The following ADGRV1 variants were observed in gnomAD, a reference collection of about 807,000 sequenced individuals.
ADGRV1 encodes G-protein coupled receptor 98.
Under a neutral mutation model 596.2 loss-of-function variants are expected in ADGRV1, and 359 were observed. The ratio of observed to expected loss-of-function variants is 0.60; its 90% CI spans 0.55 to 0.66. The LOEUF is 0.66. Ranked by LOEUF, ADGRV1 falls within the 30% of genes least tolerant of loss-of-function variation. ADGRV1 has a pLI of 0.00. For missense variants in ADGRV1, 7,274 were observed against 7,575.6 expected (o/e 0.96, Z 1.48); for synonymous variants, 2,681 against 2,679.2 (o/e 1.00, Z -0.02).
chr5:91,063,934 G>A (rs939626070), intron 85 of ADGRV1, among the ~76,000 whole-genome samples: 1 of 152,122 alleles, frequency 6.6e-6, no homozygotes, highest in Non-Finnish European at 1.5e-5. Flanking sequence ...AGATTCAGAA[G>A]TGCTGTGCAT....
rs1289325833 is a variant in ADGRV1, at chr5:90,929,217, G to C, written c.17857-36198G>C. On this transcript the variant is annotated intron_variant, in intron 83 of 89. Coordinates refer to ENST00000405460, the MANE Select transcript of ADGRV1 (RefSeq NM_032119.4). ...TCAGCAAGCCTGGGCAATGGCGGGC[G>C]CCCCTCCCCCAGCCTCGCTGCCGCC... The C allele has an allele frequency of 2.5e-5, 4 of 159,760 alleles. No individual in the cohort carries two copies. In the East Asian group the frequency reaches 7.3e-4, roughly 29 times the overall value. The allele number at this position is 159,760 out of a possible 1,614,324, so 9.9% of individuals were successfully genotyped here.
At chr5:90,869,990 G>A (rs1314656833) in intron 83 of ADGRV1, among the ~76,000 whole-genome samples, 1 of 152,192 alleles carries the variant, frequency 6.6e-6, no homozygotes, top group African/African-American at 2.4e-5. Flanking sequence ...GATTTTTAAG[G>A]TGACTGTGAA....
At chr5:90,587,991 A>T (rs968992401) in intron 1 of ADGRV1, among the ~76,000 whole-genome samples, 1 of 152,246 alleles carries the variant, frequency 6.6e-6, no homozygotes, top group Non-Finnish European at 1.5e-5. Context: ...TCACATAATT[A>T]TACTGATATT....
intron 87 of ADGRV1, among the ~76,000 whole-genome samples, chr5:91,111,436 G>A (rs1349450246): frequency 6.6e-6 from 1 of 152,100 alleles, no homozygotes; most frequent in African/African-American, 2.4e-5. Context: ...CATCCCAAAT[G>A]GAATATTGGA....
intron 83 of ADGRV1, among the ~76,000 whole-genome samples, chr5:90,900,414 CTACTTG>C (rs1164945288): frequency 2.7e-5 from 4 of 149,516 alleles, no homozygotes; most frequent in Non-Finnish European, 5.9e-5. Context: ...AAATAAATAT[CTACTTG>C]TACTTGTATG....
Position 90,564,727 on chromosome 5 carries a change from C to T in ADGRV1, c.22+5810C>T, listed in dbSNP as rs1180759539. The stretch of plus-strand genomic sequence containing the variant: ...CTGCAAGCTCCGCCTCCCGGGTTCA[C>T]GCCATTCTCCTGCCTCAGCCTCCCG... On this transcript the variant is annotated intron_variant, in intron 1 of 89. Transcript: ENST00000405460. Among the ~76,000 whole-genome samples the T allele has an allele frequency of 5.8e-5, 3 of 51,814 alleles. 1 individual carries two copies. The highest frequency in any genetic ancestry group is 1.2e-4 in the African/African-American group (1 of 8,574). 34.0% of individuals were successfully genotyped at this position (51,814 alleles called of 152,430 possible).
intron 45 of ADGRV1, among the ~76,000 whole-genome samples, chr5:90,722,565 T>A (rs958126478): frequency 1.9e-4 from 28 of 150,426 alleles, no homozygotes; most frequent in African/African-American, 5.9e-4. Flanking sequence ...ACAAAAAAAA[T>A]TAGCCGGGCT....
Position 90,960,635 on chromosome 5 carries a change from G to A in ADGRV1, c.17857-4780G>A, listed in dbSNP as rs926518706. ...GAAAGGAATAACCAGGTATTAAAAA[G>A]TAGGAAAGTCTAGGAATCTGCCGTG... On this transcript the variant is annotated intron_variant, in intron 83 of 89. Coordinates refer to ENST00000405460, the MANE Select transcript of ADGRV1 (RefSeq NM_032119.4). Among the ~76,000 whole-genome samples the A allele has an allele frequency of 2.0e-5, 3 of 152,274 alleles. No individual in the cohort carries two copies. The South Asian group carries it at 6.2e-4, about 32-fold the overall frequency.
At chr5:90,737,856 G>T (rs987286621) in intron 50 of ADGRV1, among the ~76,000 whole-genome samples, 1 of 151,204 alleles carries the variant, frequency 6.6e-6, no homozygotes, top group Non-Finnish European at 1.5e-5. Context: ...CATATGATTG[G>T]ATCTTATTTT....
chr5:90,992,132 G>A (rs1043409341), intron 85 of ADGRV1, among the ~76,000 whole-genome samples: 69 of 152,176 alleles, frequency 4.5e-4, no homozygotes, highest in African/African-American at 1.6e-3. Context: ...GCTTCCCCAC[G>A]AAGTCTTCTT....
chr5:90,674,920 TA>T (rs1173566003), intron 23 of ADGRV1, among the ~76,000 whole-genome samples: 2 of 152,078 alleles, frequency 1.3e-5, no homozygotes, highest in Non-Finnish European at 2.9e-5. Flanking sequence ...CTGGAGAGTC[TA>T]AAAAAATATG....
At chr5:90,785,463 C>A (rs189081661) in intron 67 of ADGRV1, among the ~76,000 whole-genome samples, 1 of 152,312 alleles carries the variant, frequency 6.6e-6, no homozygotes, top group Admixed American at 6.5e-5. Flanking sequence ...TCAGAGTGAA[C>A]AGGCAACCTA....
intron 45 of ADGRV1, among the ~76,000 whole-genome samples, chr5:90,721,360 C>T (rs541557402): frequency 2.7e-3 from 409 of 151,384 alleles, no homozygotes; most frequent in African/African-American, 9.3e-3. Flanking sequence ...AAAAATTAGC[C>T]GGGCGTAGTG....
At chr5:90,949,761 C>CA (rs946643790) in intron 83 of ADGRV1, among the ~76,000 whole-genome samples, 10 of 151,084 alleles carry the variant, frequency 6.6e-5, no homozygotes, top group African/African-American at 2.2e-4. Context: ...CAGAAAGAAG[C>CA]AAAAAAAATA....
At chr5:90,832,284 T>C (rs1764590604) in intron 77 of ADGRV1, among the ~76,000 whole-genome samples, 1 of 152,194 alleles carries the variant, frequency 6.6e-6, no homozygotes, top group African/African-American at 2.4e-5. Context: ...TTCTTTTGCA[T>C]AAAAGCCATT....
intron 86 of ADGRV1, among the ~76,000 whole-genome samples, chr5:91,077,854 T>A (rs1248726086): frequency 6.6e-6 from 1 of 152,244 alleles, no homozygotes; most frequent in Non-Finnish European, 1.5e-5. Context: ...AGCATGTCTC[T>A]CTTTTTAGGC....
chr5:90,652,367 C>G lies in ADGRV1; in HGVS notation c.3438C>G (p.Tyr1146Ter), dbSNP rs781433197. ...NAFWILRHRGYFGSVSVSWQL... is the reference protein window; with the variant it reads ...NAFWILRHRG ...GTAGGATTTTGAGGCACCGAGGATA[C>G]TTTGGTAGTGTTTCTGTATCTTGGC... The change falls in exon 19 of 90, where the codon TAC becomes TAG. Residue 1146 changes from tyrosine (Y) to a stop codon, truncating the protein, a stop_gained. Coordinates refer to ENST00000405460, the MANE Select transcript of ADGRV1 (RefSeq NM_032119.4). LOFTEE classifies it high-confidence loss of function. 6.2e-7 allele frequency: 1 copy of G among 1,601,848 alleles called. No individual in the cohort carries two copies. Among genetic ancestry groups the G allele is most frequent in the South Asian group, 1.2e-5 (1 of 86,850 alleles).
chr5:90,724,012 T>C (rs548883115), intron 45 of ADGRV1, among the ~76,000 whole-genome samples: 13 of 152,192 alleles, frequency 8.5e-5, no homozygotes, highest in Non-Finnish European at 1.5e-5. Context: ...ATTTGAAATA[T>C]GTGAGTCTGC....
At chr5:91,091,659 G>A (rs1044494707) in intron 86 of ADGRV1, 2 of 152,178 alleles carry the variant, frequency 1.3e-5, no homozygotes, top group African/African-American at 4.8e-5. Flanking sequence ...TGAAGAAGCT[G>A]GTGGTGTATT....
Sources: gnomAD v4.1 joint callset for allele counts (sites outside exome capture counted in the v4.1 genomes callset) on GRCh38, gnomAD v4.1.1 for gene constraint, MANE v1.5 for transcripts, NCBI Gene and HGNC (gene_info 2026-07-23, HGNC 2026-07-21) for gene names.